OGDHL: variants seen among roughly 807,000 people sequenced by gnomAD.
The protein encoded by OGDHL is oxoglutarate dehydrogenase L.
In OGDHL, 79 loss-of-function variants were observed where a neutral mutation model predicts 109.6. The observed-to-expected ratio is 0.72, with a 90% CI of 0.60 to 0.87. The LOEUF is 0.87. Among genes scored for constraint, OGDHL ranks in the 40% least tolerant of loss-of-function variants. The pLI is 0.00. For missense variants in OGDHL, 1,275 were observed against 1,362.2 expected (o/e 0.94, Z 1.01); for synonymous variants, 528 against 537.2 (o/e 0.98, Z 0.24).
intron 22 of OGDHL, 127 bp downstream of exon 22, chr10:49,735,896 G>T: frequency 1.9e-6 from 2 of 1,035,204 alleles, no homozygotes; most frequent in Non-Finnish European, 1.3e-6. Flanking sequence ...TACTGATGAT[G>T]CCCCATCATT....
At position 49,739,650 on chromosome 10, in the gene OGDHL, G is replaced by A. The variant is rs202139997; in HGVS notation, c.2319+11C>T. Reference sequence around the variant, plus strand: ...ACCCACCAAGCCACCAGCCACCACCGCAGCCCTCACCATGCCTTCCATGCC... The same window carrying A: ...ACCCACCAAGCCACCAGCCACCACCACAGCCCTCACCATGCCTTCCATGCC... On this transcript the variant is annotated intron_variant, in intron 17 of 22. Transcript: ENST00000374103. The A allele has an allele frequency of 1.5e-5, 24 of 1,610,762 alleles. No homozygotes were observed. Among genetic ancestry groups the A allele is most frequent in the Admixed American group, 1.0e-4 (6 of 59,844 alleles).
chr10:49,756,610 G>C, intron 3 of OGDHL, 166 bp downstream of exon 3: 1 of 604,494 alleles, frequency 1.7e-6, no homozygotes, highest in East Asian at 2.9e-5. Flanking sequence ...GCTCTGAATG[G>C]TGATGTGGCA....
At chr10:49,737,422 A>C (rs1841279000) in intron 20 of OGDHL, among the ~76,000 whole-genome samples, 1 of 152,208 alleles carries the variant, frequency 6.6e-6, no homozygotes, top group Non-Finnish European at 1.5e-5. Context: ...TGGAGGGGAC[A>C]CCAGGACCCC....
rs1842103488 is a variant in OGDHL, at chr10:49,745,420, T to G, written c.1553A>C (p.His518Pro). The G allele has an allele frequency of 1.2e-6, 2 of 1,614,032 alleles. No individual in the cohort carries two copies. Among genetic ancestry groups the G allele is most frequent in the Non-Finnish European group, 1.7e-6 (2 of 1,180,032 alleles). Residue 518 changes from histidine to proline, a missense_variant, in exon 12 of 23, where the codon CAC becomes CCC. Coordinates refer to ENST00000374103, the MANE Select transcript of OGDHL (RefSeq NM_018245.3). The stretch of plus-strand genomic sequence containing the variant: ...CTTCTTCAGCACAGGCACCTGTCTG[T>G]GGATCTGCTTGTACATGAGCGGCTG... ...FTQPLMYKQI[H>P]RQVPVLKKYA...
At chr10:49,743,385 G>A (rs1462623292) in intron 14 of OGDHL, among the ~76,000 whole-genome samples, 1 of 129,446 alleles carries the variant, frequency 7.7e-6, no homozygotes, top group African/African-American at 2.5e-5. Context: ...AGCTGCCCCA[G>A]GACATTCGGT....
intron 20 of OGDHL, 44 bp downstream of exon 20, chr10:49,737,742 C>T (rs371154931): frequency 1.0e-4 from 164 of 1,596,040 alleles, no homozygotes; most frequent in African/African-American, 6.0e-4. Flanking sequence ...AATGGGCCAC[C>T]GCCCCATTGT....
At chr10:49,739,941 A>C in intron 16 of OGDHL, 102 bp from the exon 17 acceptor site, 3 of 1,225,458 alleles carry the variant, frequency 2.4e-6, no homozygotes, top group South Asian at 1.6e-5. Flanking sequence ...GCCCCCACCC[A>C]TCCTTCTCAC....
chr10:49,746,017 C>T (rs760695429), intron 10 of OGDHL, 40 bp from the exon 11 acceptor site: 91 of 1,603,188 alleles, frequency 5.7e-5, no homozygotes, highest in Middle Eastern at 1.7e-4. Flanking sequence ...TCTCAATTTA[C>T]TTAGAGTGAG....
chr10:49,754,362 A>T (rs931279463), intron 3 of OGDHL, among the ~76,000 whole-genome samples: 2 of 152,230 alleles, frequency 1.3e-5, no homozygotes, highest in African/African-American at 4.8e-5. Flanking sequence ...AATCCAAAAA[A>T]AAGAAGATAA....
Position 49,745,326 on chromosome 10 carries a change from T to C in OGDHL, c.1629+18A>G. Reference sequence around the variant, plus strand: ...ACCCAAAGTTTGTCTTGGGCGCCCCTGCAGCCTGCCTGCCCACCTCAAACT... The same window carrying C: ...ACCCAAAGTTTGTCTTGGGCGCCCCCGCAGCCTGCCTGCCCACCTCAAACT... On this transcript the variant is annotated intron_variant, in intron 12 of 22. Transcript: ENST00000374103. 6.2e-7 allele frequency: 1 copy of C among 1,611,794 alleles called. No homozygotes were observed. The highest frequency in any genetic ancestry group is 8.5e-7 in the Non-Finnish European group (1 of 1,179,330).
intron 11 of OGDHL, 93 bp downstream of exon 11, chr10:49,745,705 G>T: frequency 6.8e-7 from 1 of 1,467,698 alleles, no homozygotes; most frequent in Non-Finnish European, 9.4e-7. Flanking sequence ...AGCACTCCCA[G>T]CCCTGAGTGC....
chr10:49,758,337 C>A, intron 2 of OGDHL, 52 bp downstream of exon 2: 5 of 1,548,292 alleles, frequency 3.2e-6, no homozygotes, highest in South Asian at 2.4e-5. Flanking sequence ...CAGCCCGGCC[C>A]CCGAGGGCTT....
chr10:49,736,631 GT>G, intron 20 of OGDHL, 111 bp from the exon 21 acceptor site: 1 of 1,203,766 alleles, frequency 8.3e-7, no homozygotes. Context: ...CTAACTGCAG[GT>G]TTGGACTTGT....
rs1430196214 is a variant in OGDHL at position 49,749,800 on chromosome 10, G to A, written c.913C>T (p.Leu305=). Residue 305 remains leucine (L), a synonymous_variant, in exon 8 of 23, where the codon CTG becomes TTG. Coordinates refer to ENST00000374103, the MANE Select transcript of OGDHL (RefSeq NM_018245.3). ...AGGTCCTTGCGGATCACGTTGGCCA[G>A]CACGTTCAGCCTTCCCCTGGAGCCA... ...GMPHRGRLNV[L]ANVIRKDLEQ... is the part of the protein sequence containing the mutation. 1 of 1,598,268 alleles carries A rather than the reference G, an allele frequency of 6.3e-7. No homozygotes were observed. Among genetic ancestry groups the A allele is most frequent in the Admixed American group, 1.7e-5 (1 of 58,954 alleles).
rs773576576 is a variant in OGDHL, at chr10:49,758,538, G to C, written c.55C>G (p.Leu19Val). The change falls in exon 2 of 23, where the codon CTG (leucine) becomes GTG (valine). Residue 19 changes from leucine to valine, a missense_variant. Leu to Val is a conservative substitution (Grantham distance 32). Coordinates refer to ENST00000374103, the MANE Select transcript of OGDHL (RefSeq NM_018245.3). ...SRLGVQAARL[L>V]AAHDVPVFGW... ...AACACCGGGACGTCATGTGCAGCCAGGAGCCTCGCAGCCTGTACCCCAAGA... is the reference window on the plus strand; with the variant it reads ...AACACCGGGACGTCATGTGCAGCCACGAGCCTCGCAGCCTGTACCCCAAGA... The C allele has an allele frequency of 1.4e-5, 22 of 1,613,810 alleles. No individual in the cohort carries two copies. The highest frequency in any genetic ancestry group is 1.7e-5 in the Non-Finnish European group (20 of 1,180,038).
At position 49,745,509 on chromosome 10, in the gene OGDHL, C is replaced by T. The variant is rs567484573; in HGVS notation, c.1477-13G>A. ...GGCGGTAACAGACCTGCAGGAGCAG[C>T]CAGAGGGGCTCAGGCCCTTCCCTAC... On this transcript the variant is annotated splice_polypyrimidine_tract_variant and intron_variant, in intron 11 of 22. Transcript: ENST00000374103. 6.2e-7 allele frequency: 1 copy of T among 1,613,326 alleles called. No homozygotes were observed. Among genetic ancestry groups the T allele is most frequent in the East Asian group, 2.2e-5 (1 of 44,878 alleles).
chr10:49,754,356 CA>C (rs949268022), intron 3 of OGDHL, among the ~76,000 whole-genome samples: 5 of 151,382 alleles, frequency 3.3e-5, no homozygotes, highest in African/African-American at 7.3e-5. Flanking sequence ...CATATGAATC[CA>C]AAAAAAAGAA....
At chr10:49,755,409 A>G (rs569642070) in intron 3 of OGDHL, among the ~76,000 whole-genome samples, 39 of 152,350 alleles carry the variant, frequency 2.6e-4, no homozygotes, top group Admixed American at 2.0e-3. Context: ...ATGAAATGCT[A>G]TATCTGGGAT....
chr10:49,743,280 C>T (rs1841930543), intron 14 of OGDHL, among the ~76,000 whole-genome samples: 1 of 152,234 alleles, frequency 6.6e-6, no homozygotes, highest in Admixed American at 6.5e-5. Context: ...ACGGATTTGA[C>T]TCCAAGTCCC....
Sources: gnomAD v4.1 joint callset for allele counts (sites outside exome capture counted in the v4.1 genomes callset) on GRCh38, gnomAD v4.1.1 for gene constraint, MANE v1.5 for transcripts, NCBI Gene and HGNC (gene_info 2026-07-23, HGNC 2026-07-21) for gene names.